Variants in SV2B observed in about 807,000 individuals in gnomAD.
SV2B encodes the protein synaptic vesicle glycoprotein 2B.
Under a neutral mutation model 73.9 loss-of-function variants are expected in SV2B, and 41 were observed. The observed-to-expected ratio is 0.56, with a 90% CI of 0.43 to 0.72. The LOEUF (loss-of-function observed/expected upper bound fraction) is 0.72, where lower values mean the gene tolerates loss of function less well. Ranked by LOEUF, SV2B falls within the 30% of genes least tolerant of loss-of-function variation. The probability of loss-of-function intolerance (pLI) is 0.00; values close to 1 mark genes in which losing one functional copy is unlikely to be tolerated. For missense variants in SV2B, 764 were observed against 857.8 expected (o/e 0.89, Z 1.37); for synonymous variants, 314 against 314.2 (o/e 1.00, Z 0.01).
Position 91,290,436 on chromosome 15 carries a change from C to T in SV2B, c.1868+756C>T, listed in dbSNP as rs772208338. ...TGAATCAAAGAACTGCTAAGTTTTA[C>T]ACAAAATAACAGGAGGACAAATGAT... On this transcript the variant is annotated intron_variant, in intron 12 of 12. Transcript: ENST00000394232. The surrounding 1 kb of genome is among the most constrained non-coding windows in gnomAD (Gnocchi z 4.7). Among the ~76,000 whole-genome samples the T allele has an allele frequency of 1.3e-5, 2 of 152,130 alleles. No homozygotes were observed. Among genetic ancestry groups the T allele is most frequent in the Non-Finnish European group, 2.9e-5 (2 of 68,028 alleles).
At chr15:91,286,930 A>G (rs1433419033) in intron 11 of SV2B, among the ~76,000 whole-genome samples, 1 of 152,146 alleles carries the variant, frequency 6.6e-6, no homozygotes, top group South Asian at 2.1e-4. Context: ...CTCCCTGACT[A>G]TTAGCTGATG....
chr15:91,177,098 C>G (rs1408443093), intron 1 of SV2B, among the ~76,000 whole-genome samples: 1 of 149,202 alleles, frequency 6.7e-6, no homozygotes, highest in Non-Finnish European at 1.5e-5. Context: ...CCAGTTTCAG[C>G]TTTCAACATA....
chr15:91,170,378 C>T (rs375807827), intron 1 of SV2B, among the ~76,000 whole-genome samples: 2 of 152,294 alleles, frequency 1.3e-5, no homozygotes, highest in East Asian at 3.9e-4. Context: ...ACCTCCACCT[C>T]CCGGGTTCAA....
At chr15:91,158,699 C>CCCT (rs2043591166) in intron 1 of SV2B, among the ~76,000 whole-genome samples, 1 of 55,444 alleles carries the variant, frequency 1.8e-5, no homozygotes, top group Non-Finnish European at 4.4e-5. Context: ...CTCTTCTCTT[C>CCCT]TCTCCTCTCC....
chr15:91,207,796 A>G (rs994628317), intron 1 of SV2B, among the ~76,000 whole-genome samples: 6 of 152,208 alleles, frequency 3.9e-5, no homozygotes, highest in African/African-American at 1.4e-4. Flanking sequence ...AGCATGCTCT[A>G]TTGGTAATAA....
chr15:91,114,991 G>A (rs769943089), intron 1 of SV2B, among the ~76,000 whole-genome samples: 30 of 152,116 alleles, frequency 2.0e-4, no homozygotes, highest in Non-Finnish European at 2.9e-4. Flanking sequence ...GCCCAACTGG[G>A]GTCACATGCC....
At chr15:91,147,866 G>C (rs936567119) in intron 1 of SV2B, among the ~76,000 whole-genome samples, 1 of 148,106 alleles carries the variant, frequency 6.8e-6, no homozygotes, top group African/African-American at 2.5e-5. Context: ...ATGATTGTAA[G>C]ATGGTGAAAC....
rs200016125 is a variant in SV2B, at chr15:91,125,781, C to CAAAA, written c.-392+25434_-392+25437dup. Among the ~76,000 whole-genome samples the CAAAA allele has an allele frequency of 1.5e-3, 84 of 57,080 alleles. 6 individuals carry two copies. Among genetic ancestry groups the CAAAA allele is most frequent in the African/African-American group, 5.0e-3 (79 of 15,650 alleles). The allele number at this position is 57,080 out of a possible 152,430, so 37.4% of individuals were successfully genotyped here. ...CAAAGTGAGACCCTGTCTCAAGGGG[C>CAAAA]AAAAAAAAAAAAAAAAAAATTCAGT... On this transcript the variant is annotated intron_variant, in intron 1 of 12. Transcript: ENST00000394232.
At chr15:91,201,295 G>A (rs1376976679) in intron 1 of SV2B, among the ~76,000 whole-genome samples, 1 of 152,150 alleles carries the variant, frequency 6.6e-6, no homozygotes, top group African/African-American at 2.4e-5. Context: ...TACTAAAATG[G>A]TGCTGATTGC....
rs187040700 is a variant in SV2B, at chr15:91,259,053, G to A, written c.918+499G>A. ...CAAGGCTGGAGACAGCCATGGTTGT[G>A]TCACTGCACTCCAGTCTGGGTAACA... On this transcript the variant is annotated intron_variant, in intron 5 of 12. Transcript: ENST00000394232. Among the ~76,000 whole-genome samples the A allele has an allele frequency of 3.3e-5, 5 of 151,978 alleles. No individual in the cohort carries two copies. The East Asian group carries it at 9.6e-4, about 29-fold the overall frequency.
chr15:91,213,749 T>A (rs1219549129), intron 1 of SV2B, among the ~76,000 whole-genome samples: 3 of 152,118 alleles, frequency 2.0e-5, no homozygotes, highest in Non-Finnish European at 2.9e-5. Context: ...AAATATAGGG[T>A]TACTATAAAA....
At chr15:91,247,334 T>C (rs188370514) in intron 2 of SV2B, among the ~76,000 whole-genome samples, 4 of 152,286 alleles carry the variant, frequency 2.6e-5, no homozygotes, top group Admixed American at 1.3e-4. Flanking sequence ...ACTTGTAAAG[T>C]TTTTCAATTT....
rs1274583019 is a variant in SV2B, at chr15:91,197,524, A to G, written c.-391-28349A>G. Among the ~76,000 whole-genome samples, 1 of 151,220 alleles carries G rather than the reference A, an allele frequency of 6.6e-6. No homozygotes were observed. Among genetic ancestry groups the G allele is most frequent in the Non-Finnish European group, 1.5e-5 (1 of 67,824 alleles). On this transcript the variant is annotated intron_variant, in intron 1 of 12. Transcript: ENST00000394232. The surrounding 1 kb of genome is among the most constrained non-coding windows in gnomAD (Gnocchi z 4.9). ...CAGGCGTGAGCCACCGCGCCCAGCC[A>G]TCATTGTTTTTAATAGAAGAAAAAA...
chr15:91,148,605 G>A (rs2043217129), intron 1 of SV2B, among the ~76,000 whole-genome samples: 2 of 152,100 alleles, frequency 1.3e-5, no homozygotes, highest in African/African-American at 4.8e-5. Flanking sequence ...TATAGCCCGG[G>A]TTCCCTGAAG....
At position 91,202,065 on chromosome 15, in the gene SV2B, C is replaced by T. The variant is rs183563546; in HGVS notation, c.-391-23808C>T. Among the ~76,000 whole-genome samples the T allele has an allele frequency of 5.6e-4, 86 of 152,300 alleles. 1 individual carries two copies. The highest frequency in any genetic ancestry group is 4.2e-3 in the Admixed American group (64 of 15,302). On this transcript the variant is annotated intron_variant, in intron 1 of 12. Coordinates refer to ENST00000394232, the MANE Select transcript of SV2B (RefSeq NM_001323032.3). ...TTCAAATATCTGCATGGCTCACTCC[C>T]TGCTTCTTTCTCTTCTTTACTCAAA...
In SV2B at chr15:91,288,578, G is replaced by A. The variant is rs1194962548; in HGVS notation, c.1709-943G>A. Among the ~76,000 whole-genome samples the A allele has an allele frequency of 1.3e-5, 2 of 151,946 alleles. No homozygotes were observed. The highest frequency in any genetic ancestry group is 2.9e-5 in the Non-Finnish European group (2 of 67,934). On this transcript the variant is annotated intron_variant, in intron 11 of 12. Coordinates refer to ENST00000394232, the MANE Select transcript of SV2B (RefSeq NM_001323032.3). This position sits in a 1 kb window ranked among gnomAD's most constrained non-coding sequence, Gnocchi z 5.8. ...CCTGCCTTCCAGGTTCATCCATGTT[G>A]TCATAAATGGCAGAATTCCTTTCTT...
intron 1 of SV2B, among the ~76,000 whole-genome samples, chr15:91,215,904 C>T (rs2046009440): frequency 1.3e-5 from 2 of 152,056 alleles, no homozygotes; most frequent in South Asian, 4.1e-4. Context: ...CAGACTAAGT[C>T]TGATGTTACT....
chr15:91,175,110 C>T (rs2044255393), intron 1 of SV2B, among the ~76,000 whole-genome samples: 1 of 152,118 alleles, frequency 6.6e-6, no homozygotes, highest in Admixed American at 6.5e-5. Context: ...AGTAACTTTC[C>T]AACAAAGTGT....
At chr15:91,266,534 GAC>G (rs1265554582) in intron 6 of SV2B, 46 bp from the exon 7 acceptor site, 1 of 1,435,752 alleles carries the variant, frequency 7.0e-7, no homozygotes, top group South Asian at 1.2e-5. Flanking sequence ...TGAAAACTCT[GAC>G]ACAAAGTGGG....
Sources: allele counts gnomAD v4.1 joint callset (sites outside exome capture counted in the v4.1 genomes callset), GRCh38; gene constraint gnomAD v4.1.1; non-coding constraint Gnocchi (gnomAD v3.1); transcripts MANE v1.5; gene names NCBI Gene and HGNC (gene_info 2026-07-23, HGNC 2026-07-21).